The following PNPT1 variants were observed in gnomAD, a reference collection of about 807,000 sequenced individuals.
PNPT1 encodes the protein polyribonucleotide nucleotidyltransferase 1, also known as polyribonucleotide nucleotidyltransferase 1, mitochondrial.
A neutral mutation model predicts 119.5 loss-of-function variants in PNPT1; 53 were observed. That is an observed-to-expected ratio of 0.44 (90% CI 0.36 to 0.56). The LOEUF is 0.56. Ranked by LOEUF, PNPT1 falls within the 20% of genes least tolerant of loss-of-function variation. The probability of loss-of-function intolerance (pLI) is 0.00; values close to 1 mark genes in which losing one functional copy is unlikely to be tolerated. For missense variants in PNPT1, 948 were observed against 938.5 expected, an observed-to-expected ratio of 1.01 and a Z score of -0.13; for synonymous variants, 357 against 322.1, an observed-to-expected ratio of 1.11 and a Z score of -1.16.
In PNPT1 at chr2:55,635,246, C is replaced by T. The variant is rs1695630624; in HGVS notation, c.*991G>A. On this transcript the variant is annotated 3_prime_UTR_variant, in exon 28 of 28. Coordinates refer to ENST00000447944, the MANE Select transcript of PNPT1 (RefSeq NM_033109.5). Reference sequence around the variant, plus strand: ...AAGTCATGATCCTTCAGCTCTTATACTAAGAACTTCCATACATTAGAGCAA... The same window carrying T: ...AAGTCATGATCCTTCAGCTCTTATATTAAGAACTTCCATACATTAGAGCAA... The T allele has an allele frequency of 6.6e-6, 1 of 152,108 alleles. No homozygotes were observed. The highest frequency in any genetic ancestry group is 2.1e-4 in the South Asian group (1 of 4,834). The allele number at this position is 152,108 out of a possible 1,614,324, so 9.4% of individuals were successfully genotyped here. A position where few individuals can be genotyped will look rare whatever the true frequency, so the allele number is the denominator to read the frequency against.
At chr2:55,681,115 G>A (rs1697233028) in intron 5 of PNPT1, among the ~76,000 whole-genome samples, 197 bp from the exon 6 acceptor site, 1 of 152,174 alleles carries the variant, frequency 6.6e-6, no homozygotes, top group African/African-American at 2.4e-5. Flanking sequence ...ATCTTTAAAA[G>A]GGAAAAACAG....
rs186673525 is a variant in PNPT1 at position 55,674,273 on chromosome 2, G to A, written c.680-1194C>T. 2.0e-5 allele frequency among the ~76,000 whole-genome samples: 3 copies of A among 152,228 alleles called. No individual in the cohort carries two copies. The East Asian group carries it at 5.8e-4, about 29-fold the overall frequency. On this transcript the variant is annotated intron_variant, in intron 8 of 27. Coordinates refer to ENST00000447944, the MANE Select transcript of PNPT1 (RefSeq NM_033109.5). ...AGAAGACATCGTGGACTGTTAGAAA[G>A]GAAAGAAAATCAGTATGCAAACTAA...
chr2:55,640,681 T>A lies in PNPT1; in HGVS notation c.2094A>T (p.Leu698Phe). ...EIRDTGVMVK[L>F]YPNMTAVLLH... ...GCAGTACCGCAGTCATATTTGGATA[T>A]AATTTTACCATTACACCAGTATCTC... Residue 698 changes from leucine (L) to phenylalanine (F), a missense_variant, in exon 26 of 28, where the codon TTA becomes TTT. Leu to Phe is a conservative substitution (Grantham distance 22, BLOSUM62 0). Transcript: ENST00000447944. 1 of 1,589,808 alleles carries A rather than the reference T, an allele frequency of 6.3e-7. No homozygotes were observed. The highest frequency in any genetic ancestry group is 1.1e-5 in the South Asian group (1 of 90,506).
chr2:55,639,985 T>C (rs1265473632), intron 26 of PNPT1, among the ~76,000 whole-genome samples: 1 of 152,236 alleles, frequency 6.6e-6, no homozygotes, highest in African/African-American at 2.4e-5. Context: ...TATAATTTAT[T>C]AAATAATCTT....
At chr2:55,653,359 A>G (rs1696272695) in intron 18 of PNPT1, among the ~76,000 whole-genome samples, 1 of 152,226 alleles carries the variant, frequency 6.6e-6, no homozygotes. Context: ...TGAAGTTCTC[A>G]TTATAGTCAA....
At chr2:55,651,517 G>A (rs1696201200) in intron 18 of PNPT1, among the ~76,000 whole-genome samples, 1 of 152,148 alleles carries the variant, frequency 6.6e-6, no homozygotes, top group Non-Finnish European at 1.5e-5. Flanking sequence ...TGTCCACTCA[G>A]GGTTGAATAG....
At chr2:55,651,796 A>G in intron 18 of PNPT1, among the ~76,000 whole-genome samples, 1 of 151,624 alleles carries the variant, frequency 6.6e-6, no homozygotes, top group South Asian at 2.1e-4. Flanking sequence ...AAAATTAAAA[A>G]AAAAAAATCC....
intron 18 of PNPT1, 32 bp downstream of exon 18, chr2:55,654,868 A>G (rs1696333842): frequency 6.3e-7 from 1 of 1,594,346 alleles, no homozygotes; most frequent in Non-Finnish European, 8.6e-7. Flanking sequence ...GGCATGAGCA[A>G]TATCAGCAGT....
rs928642617 is a variant in PNPT1, at chr2:55,672,038, A to G, written c.875T>C (p.Met292Thr). 4 of 1,597,310 alleles carry G rather than the reference A, an allele frequency of 2.5e-6. No homozygotes were observed. The highest frequency in any genetic ancestry group is 2.3e-5 in the East Asian group (1 of 43,968). Residue 292 changes from methionine (M) to threonine (T), a missense_variant, in exon 10 of 28, where the codon ATG (methionine) becomes ACG (threonine). Physicochemically the swap from Met to Thr is moderately conservative, Grantham distance 81. Transcript: ENST00000447944. ...TGTAAAAACTGCATAGAGTCTCTCC[A>G]TAGCAAGTCTATTTAAGCAGAAAAT... ...EIVKYTHKLA[M>T]ERLYAVFTDY...
intron 13 of PNPT1, among the ~76,000 whole-genome samples, chr2:55,662,990 C>T (rs59146292): frequency 4.0e-5 from 6 of 151,804 alleles, no homozygotes; most frequent in Admixed American, 1.3e-4. Context: ...AGACGATTCT[C>T]CTACCTCAGC....
At chr2:55,671,874 A>G in intron 10 of PNPT1, 121 bp downstream of exon 10, 1 of 707,812 alleles carries the variant, frequency 1.4e-6, no homozygotes. Flanking sequence ...GGCTTTTGTT[A>G]GTTTTTCATT....
rs1219934107 is a variant in PNPT1 at position 55,643,326 on chromosome 2, T to C, written c.2006A>G (p.Lys669Arg). ...AATATGATCTATACTTACATCATCC[T>C]TGCAGATTTCAGTAATGAAGTCTCT... ...EARDFITEIC[K>R]DDQEQQLEFG... Residue 669 changes from lysine (K) to arginine (R), a missense_variant, in exon 24 of 28, where the codon AAG becomes AGG. Transcript: ENST00000447944. The C allele has an allele frequency of 6.2e-7, 1 of 1,613,864 alleles. No homozygotes were observed. Among genetic ancestry groups the C allele is most frequent in the Non-Finnish European group, 8.5e-7 (1 of 1,179,828 alleles).
chr2:55,666,940 A>G (rs1366311570), intron 13 of PNPT1, 51 bp downstream of exon 13: 2 of 1,226,870 alleles, frequency 1.6e-6, no homozygotes, highest in Admixed American at 4.9e-5. Flanking sequence ...TATTAGATCT[A>G]ATTAAACAAT....
At chr2:55,643,106 C>G in intron 25 of PNPT1, 52 bp downstream of exon 25, 1 of 1,593,044 alleles carries the variant, frequency 6.3e-7, no homozygotes, top group Non-Finnish European at 8.6e-7. Flanking sequence ...AGGGTGAGAC[C>G]CTGTCTCTAA....
chr2:55,651,202 C>T (rs1267565549), intron 18 of PNPT1, among the ~76,000 whole-genome samples: 148 of 150,082 alleles, frequency 9.9e-4, no homozygotes, highest in Non-Finnish European at 1.7e-3. Flanking sequence ...AGGTGAGGGG[C>T]GCCTCTGCCC....
At chr2:55,681,831 T>G (rs1449992122) in intron 5 of PNPT1, among the ~76,000 whole-genome samples, 30 of 91,332 alleles carry the variant, frequency 3.3e-4, no homozygotes, top group African/African-American at 5.7e-4. Context: ...GCAACAAGAG[T>G]GAAACTCCAT....
In PNPT1 at chr2:55,671,991, C is replaced by G. The variant is rs1252073260; in HGVS notation, c.918+4G>C. ...TATGGAAGACAAAACTCAGGTATACCTACTTTGTCATGCTCGTAATCTGTA... is the reference window on the plus strand; with the variant it reads ...TATGGAAGACAAAACTCAGGTATACGTACTTTGTCATGCTCGTAATCTGTA... On this transcript the variant is annotated splice_donor_region_variant and intron_variant, in intron 10 of 27. Coordinates refer to ENST00000447944, the MANE Select transcript of PNPT1 (RefSeq NM_033109.5). The G allele has an allele frequency of 3.1e-6, 5 of 1,591,516 alleles. No individual in the cohort carries two copies. The African/African-American group carries it at 4.1e-5, about 13-fold the overall frequency.
At chr2:55,650,147 T>TACCTCC (rs1559090979) in intron 18 of PNPT1, among the ~76,000 whole-genome samples, 1 of 150,742 alleles carries the variant, frequency 6.6e-6, no homozygotes, top group African/African-American at 2.4e-5. Context: ...TCTCCACCTC[T>TACCTCC]ACCTCTACCT....
At chr2:55,638,951 T>C (rs1050623388) in intron 26 of PNPT1, among the ~76,000 whole-genome samples, 11 of 152,088 alleles carry the variant, frequency 7.2e-5, no homozygotes, top group Non-Finnish European at 1.2e-4. Flanking sequence ...ATTTTTTCTA[T>C]GTTTAGTAGA....
Sources: allele counts gnomAD v4.1 joint callset (sites outside exome capture counted in the v4.1 genomes callset), GRCh38; gene constraint gnomAD v4.1.1; transcripts MANE v1.5; gene names NCBI Gene and HGNC (gene_info 2026-07-23, HGNC 2026-07-21).